HACD3: variants seen among roughly 807,000 people sequenced by gnomAD.
HACD3 encodes very-long-chain (3R)-3-hydroxyacyl-CoA dehydratase 3.
Under a neutral mutation model 55.2 loss-of-function variants are expected in HACD3, and 30 were observed. The ratio of observed to expected loss-of-function variants is 0.54; its 90% CI spans 0.41 to 0.74. HACD3 has a LOEUF of 0.74. Ranked by LOEUF, HACD3 falls within the 30% of genes least tolerant of loss-of-function variation. The probability of loss-of-function intolerance (pLI) is 0.00; values close to 1 mark genes in which losing one functional copy is unlikely to be tolerated. For missense variants in HACD3, 363 were observed against 440.1 expected, an observed-to-expected ratio of 0.82 and a Z score of 1.57; for synonymous variants, 141 against 151.7, an observed-to-expected ratio of 0.93 and a Z score of 0.52.
intron 2 of HACD3, 70 bp downstream of exon 2, chr15:65,551,788 TA>T: frequency 6.5e-7 from 1 of 1,547,514 alleles, no homozygotes; most frequent in Non-Finnish European, 8.9e-7. Flanking sequence ...TTCCCTTTTT[TA>T]AAAAAATGTA....
chr15:65,559,358 T>C (rs1226797648), intron 5 of HACD3, among the ~76,000 whole-genome samples: 2 of 152,190 alleles, frequency 1.3e-5, no homozygotes, highest in East Asian at 3.9e-4. Context: ...TCGTAGCGCC[T>C]ATACTCAAAA....
chr15:65,575,227 A>G (rs1303194780), intron 10 of HACD3, among the ~76,000 whole-genome samples: 19 of 145,186 alleles, frequency 1.3e-4, no homozygotes, highest in African/African-American at 4.9e-4. Context: ...TTGCTCTGTC[A>G]CCCAGGCTGG....
rs1274765274 is a variant in HACD3, at chr15:65,572,303, C to T, written c.949C>T (p.Pro317Ser). The change falls in exon 10 of 11, where the codon CCA becomes TCA. Residue 317 changes from proline to serine, a missense_variant. By Grantham distance (74) the Pro-to-Ser change is moderately conservative. Transcript: ENST00000261875. ...ACGATTCAGTTTCACATTGCCATAT[C>T]CAGTGAAAATCAAAGTTAGATTTTC... ...TGRFSFTLPY[P>S]VKIKVRFSFF... The T allele has an allele frequency of 1.9e-6, 3 of 1,613,200 alleles. No individual in the cohort carries two copies. The highest frequency in any genetic ancestry group is 3.3e-5 in the Admixed American group (2 of 59,908).
chr15:65,552,031 T>G (rs1012985315), intron 2 of HACD3: 1 of 284,124 alleles, frequency 3.5e-6, no homozygotes, highest in Non-Finnish European at 6.7e-6. Context: ...AGTTATTGAC[T>G]TCTCTGGACC....
At chr15:65,555,497 A>G (rs1184867027) in intron 3 of HACD3, among the ~76,000 whole-genome samples, 2 of 152,202 alleles carry the variant, frequency 1.3e-5, no homozygotes, top group Admixed American at 6.5e-5. Flanking sequence ...TCTCATAAGC[A>G]GGGAGAGAAT....
chr15:65,569,247 CAA>C (rs71447850), intron 7 of HACD3, among the ~76,000 whole-genome samples: 1 of 125,254 alleles, frequency 8.0e-6, no homozygotes, highest in Non-Finnish European at 1.7e-5. Flanking sequence ...GACTCTGTCT[CAA>C]AAAAAAAAAA....
chr15:65,550,221 C>T (rs1278962130), intron 1 of HACD3, among the ~76,000 whole-genome samples: 2 of 152,080 alleles, frequency 1.3e-5, no homozygotes, highest in African/African-American at 4.8e-5. Flanking sequence ...AACCTCGTCT[C>T]TGCAAAAATA....
chr15:65,565,285 G>A (rs1171242348), intron 7 of HACD3: 1 of 152,452 alleles, frequency 6.6e-6, no homozygotes, highest in Non-Finnish European at 1.5e-5. Context: ...TTTGGGGTCT[G>A]GAGGATGGCG....
At chr15:65,543,051 C>A (rs1297092216) in intron 1 of HACD3, among the ~76,000 whole-genome samples, 2 of 13,674 alleles carry the variant, frequency 1.5e-4, no homozygotes, top group South Asian at 3.0e-3. Flanking sequence ...TCCAGCCTGG[C>A]GACAGTGGGA....
rs1434778932 is a variant in HACD3 at position 65,576,382 on chromosome 15, A to G, written c.*3A>G. 4 of 1,594,988 alleles carry G rather than the reference A, an allele frequency of 2.5e-6. No homozygotes were observed. The highest frequency in any genetic ancestry group is 1.8e-5 in the Admixed American group (1 of 56,780). On this transcript the variant is annotated 3_prime_UTR_variant, in exon 11 of 11. Coordinates refer to ENST00000261875, the MANE Select transcript of HACD3 (RefSeq NM_016395.4). ...AAAAAAAGAAAAAGATCCACTAAAA[A>G]GAAAGATTTAGATGGCTTCTTGCCA...
At chr15:65,557,470 CAAA>C (rs754834285) in intron 4 of HACD3, among the ~76,000 whole-genome samples, 4 of 99,958 alleles carry the variant, frequency 4.0e-5, no homozygotes. Flanking sequence ...GCGAGAGTCT[CAAA>C]AAAAAAAAAA....
At chr15:65,549,170 G>A (rs1322698407) in intron 1 of HACD3, among the ~76,000 whole-genome samples, 1 of 152,190 alleles carries the variant, frequency 6.6e-6, no homozygotes, top group Non-Finnish European at 1.5e-5. Flanking sequence ...TAACACGGTA[G>A]AAATGAAATT....
In HACD3 at chr15:65,577,672, T is replaced by C. The variant is rs1020031282; in HGVS notation, c.*1293T>C. Reference sequence around the variant, plus strand: ...CTGAGTCCATTTACTTGTGTACTTGTTCTAGTGAGTGGTGGGACTGTACAT... The same window carrying C: ...CTGAGTCCATTTACTTGTGTACTTGCTCTAGTGAGTGGTGGGACTGTACAT... On this transcript the variant is annotated 3_prime_UTR_variant, in exon 11 of 11. Coordinates refer to ENST00000261875, the MANE Select transcript of HACD3 (RefSeq NM_016395.4). 1.3e-5 allele frequency: 2 copies of C among 151,300 alleles called. No individual in the cohort carries two copies. The highest frequency in any genetic ancestry group is 4.9e-5 in the African/African-American group (2 of 40,544). 9.4% of individuals were successfully genotyped at this position (151,300 alleles called of 1,614,324 possible).
intron 1 of HACD3, among the ~76,000 whole-genome samples, chr15:65,544,107 G>A (rs954277084): frequency 2.6e-5 from 4 of 152,166 alleles, no homozygotes; most frequent in African/African-American, 9.7e-5. Flanking sequence ...AACCCGGGAG[G>A]CGGAGCTTGC....
intron 7 of HACD3, among the ~76,000 whole-genome samples, chr15:65,567,586 C>CA (rs2072304692): frequency 6.6e-6 from 1 of 152,052 alleles, no homozygotes; most frequent in South Asian, 2.1e-4. Flanking sequence ...TTTGAAAAAA[C>CA]AGAGGGCCAT....
intron 1 of HACD3, among the ~76,000 whole-genome samples, chr15:65,544,126 G>A (rs1263890336): frequency 2.0e-5 from 3 of 152,104 alleles, no homozygotes; most frequent in African/African-American, 7.2e-5. Flanking sequence ...GCAGTGAGCC[G>A]AGATTACGCC....
chr15:65,572,199 C>T (rs753594594), intron 9 of HACD3, 36 bp from the exon 10 acceptor site: 1 of 1,606,770 alleles, frequency 6.2e-7, no homozygotes, highest in Non-Finnish European at 8.5e-7. Context: ...GTGACTGTTT[C>T]ATTTGCTTCT....
chr15:65,539,211 T>C (rs1049736306), intron 1 of HACD3, among the ~76,000 whole-genome samples: 3 of 1,978 alleles, frequency 1.5e-3, no homozygotes, highest in Middle Eastern at 0.12. Context: ...GTGACAGGAC[T>C]TTTTTTTTTT....
chr15:65,556,632 A>G (rs535758334), intron 3 of HACD3, 107 bp from the exon 4 acceptor site: 6 of 1,192,190 alleles, frequency 5.0e-6, no homozygotes, highest in Non-Finnish European at 6.9e-6. Context: ...GACCAGAGAA[A>G]GAAGGAGAAT....
Sources: gnomAD v4.1 joint callset for allele counts (sites outside exome capture counted in the v4.1 genomes callset) on GRCh38, gnomAD v4.1.1 for gene constraint, MANE v1.5 for transcripts, NCBI Gene and HGNC (gene_info 2026-07-23, HGNC 2026-07-21) for gene names.